ZFHX3: variants seen among roughly 807,000 people sequenced by gnomAD.
ZFHX3 encodes the protein zinc finger homeobox 3.
Under a neutral mutation model 279.1 loss-of-function variants are expected in ZFHX3, and 42 were observed. That is an observed-to-expected ratio of 0.15 (90% CI 0.12 to 0.19). The LOEUF is 0.19. Ranked by LOEUF, ZFHX3 falls within the 10% of genes least tolerant of loss-of-function variation. ZFHX3 has a pLI of 1.00. For missense variants in ZFHX3, 4,981 were observed against 4,754.0 expected, an observed-to-expected ratio of 1.05 and a Z score of -1.40; for synonymous variants, 2,293 against 1,957.8, an observed-to-expected ratio of 1.17 and a Z score of -4.52.
At chr16:73,533,408 G>A (rs777670821) in intron 2 of ZFHX3, among the ~76,000 whole-genome samples, 5 of 147,680 alleles carry the variant, frequency 3.4e-5, no homozygotes, top group Non-Finnish European at 7.4e-5. Context: ...GATCCTATTC[G>A]TGCCAACAGA....
At chr16:72,970,065 G>T (rs1366728459) in intron 1 of ZFHX3, among the ~76,000 whole-genome samples, 2 of 152,190 alleles carry the variant, frequency 1.3e-5, no homozygotes, top group Non-Finnish European at 2.9e-5. Context: ...AGTGAAAACT[G>T]CTAGCTCAGC....
At chr16:73,849,027 C>T (rs936782532) in intron 1 of ZFHX3, among the ~76,000 whole-genome samples, 1 of 152,216 alleles carries the variant, frequency 6.6e-6, no homozygotes, top group Non-Finnish European at 1.5e-5. Flanking sequence ...CAGCATTGTT[C>T]TTGTTAACAA....
chr16:72,915,611 T>A (rs984003479), intron 3 of ZFHX3, among the ~76,000 whole-genome samples: 5 of 149,758 alleles, frequency 3.3e-5, no homozygotes, highest in Non-Finnish European at 1.5e-5. Flanking sequence ...ATAAAAAAAA[T>A]TAGCCAGGTG....
chr16:72,921,343 C>A (rs909841694), intron 3 of ZFHX3, among the ~76,000 whole-genome samples: 1 of 152,164 alleles, frequency 6.6e-6, no homozygotes, highest in Non-Finnish European at 1.5e-5. Flanking sequence ...CCTTCCTAGA[C>A]CCCATGGCGA....
chr16:73,883,548 T>C (rs902286325), intron 1 of ZFHX3, among the ~76,000 whole-genome samples: 1 of 151,962 alleles, frequency 6.6e-6, no homozygotes, highest in Non-Finnish European at 1.5e-5. Flanking sequence ...TTCTCAGAAC[T>C]TAAGGTTTGC....
At chr16:73,843,371 A>G (rs1961362234) in intron 1 of ZFHX3, among the ~76,000 whole-genome samples, 1 of 152,190 alleles carries the variant, frequency 6.6e-6, no homozygotes, top group Admixed American at 6.5e-5. Context: ...CCCGGTTTTG[A>G]ACGTCGATAA....
chr16:72,941,412 G>T (rs1468483238), intron 3 of ZFHX3, among the ~76,000 whole-genome samples: 1 of 152,212 alleles, frequency 6.6e-6, no homozygotes, highest in Non-Finnish European at 1.5e-5. Context: ...CTTCTATAGA[G>T]CCTGCTGGCA....
At chr16:73,262,667 G>C (rs1297881033) in intron 4 of ZFHX3, among the ~76,000 whole-genome samples, 1 of 152,134 alleles carries the variant, frequency 6.6e-6, no homozygotes, top group African/African-American at 2.4e-5. Context: ...TTGCAGACAG[G>C]CACAAATTCC....
intron 5 of ZFHX3, among the ~76,000 whole-genome samples, chr16:73,156,148 T>C (rs185319516): frequency 1.7e-4 from 24 of 144,028 alleles, no homozygotes; most frequent in Non-Finnish European, 1.6e-4. Context: ...AAGAGAATGG[T>C]GTGAACCCGG....
chr16:73,012,110 G>T (rs1430129237), intron 1 of ZFHX3, among the ~76,000 whole-genome samples: 1 of 152,208 alleles, frequency 6.6e-6, no homozygotes. Context: ...AAGGCAGTCA[G>T]TCTTCTCAGC....
At position 73,680,241 on chromosome 16, in the gene ZFHX3, C is replaced by T. The variant is rs1390667008; in HGVS notation, c.-1607-1G>A. The T allele has an allele frequency of 6.8e-6, 1 of 147,192 alleles. No homozygotes were observed. Among genetic ancestry groups the T allele is most frequent in the African/African-American group, 2.5e-5 (1 of 39,816 alleles). The allele number at this position is 147,192 out of a possible 1,614,324, so 9.1% of individuals were successfully genotyped here. A position where few individuals can be genotyped will look rare whatever the true frequency, so the allele number is the denominator to read the frequency against. ...TTCAGAATTCAAAAAGTCCAGAAGCCTGTAAATATGAAAAAAAAAAGTTTA... is the reference window on the plus strand; with the variant it reads ...TTCAGAATTCAAAAAGTCCAGAAGCTTGTAAATATGAAAAAAAAAAGTTTA... On this transcript the variant is annotated splice_acceptor_variant, in intron 1 of 17. Coordinates refer to the ZFHX3 transcript ENST00000641206. LOFTEE classifies it low-confidence loss of function (5UTR_SPLICE).
Position 72,959,600 on chromosome 16 carries a change from C to T in ZFHX3, c.546G>A (p.Gly182=). 6.2e-7 allele frequency: 1 copy of T among 1,614,166 alleles called. No homozygotes were observed. The highest frequency in any genetic ancestry group is 1.3e-5 in the African/African-American group (1 of 75,064). ...NSLPGAGGKQ[G]DPSCAAPVYP... ...ACACGGGTGCAGCACACGAAGGGTC[C>T]CCTTGCTTGCCCCCCGCGCCAGGGA... The change falls in exon 2 of 10, where the codon GGG becomes GGA. Residue 182 remains glycine, a synonymous_variant. Transcript: ENST00000268489.
intron 7 of ZFHX3, among the ~76,000 whole-genome samples, chr16:72,804,825 C>A (rs966387244): frequency 6.6e-6 from 1 of 152,130 alleles, no homozygotes; most frequent in African/African-American, 2.4e-5. Flanking sequence ...CAATATAACA[C>A]CCTGTGCAGC....
intron 7 of ZFHX3, among the ~76,000 whole-genome samples, chr16:73,095,855 G>A (rs567403739): frequency 1.3e-5 from 2 of 152,254 alleles, no homozygotes; most frequent in South Asian, 2.1e-4. Context: ...AAAGAATCCC[G>A]GCCCCTTCTT....
chr16:73,238,581 G>A (rs1402130185), intron 5 of ZFHX3, among the ~76,000 whole-genome samples: 1 of 151,980 alleles, frequency 6.6e-6, no homozygotes, highest in South Asian at 2.1e-4. Context: ...TCTCAGATAT[G>A]CCTTGCCCAC....
At chr16:73,308,560 G>A (rs892102758) in intron 4 of ZFHX3, among the ~76,000 whole-genome samples, 1 of 151,976 alleles carries the variant, frequency 6.6e-6, no homozygotes, top group Non-Finnish European at 1.5e-5. Context: ...ACCCACCTTG[G>A]CCTCCCAAAG....
chr16:73,372,305 C>A (rs1487416237), intron 3 of ZFHX3, among the ~76,000 whole-genome samples: 1 of 151,828 alleles, frequency 6.6e-6, no homozygotes, highest in Non-Finnish European at 1.5e-5. Flanking sequence ...TTTTTAAGGG[C>A]AATAAAGGGT....
intron 1 of ZFHX3, among the ~76,000 whole-genome samples, chr16:73,040,410 C>T (rs2144699739): frequency 6.6e-6 from 1 of 152,226 alleles, no homozygotes; most frequent in East Asian, 1.9e-4. Flanking sequence ...CATATAAATG[C>T]CTCCACAAAT....
At chr16:73,712,465 C>G (rs1597077507) in intron 1 of ZFHX3, among the ~76,000 whole-genome samples, 2 of 152,226 alleles carry the variant, frequency 1.3e-5, no homozygotes. Context: ...AGTTATCCTT[C>G]TCGGGTGTAA....
Sources: allele counts gnomAD v4.1 joint callset (sites outside exome capture counted in the v4.1 genomes callset), GRCh38; gene constraint gnomAD v4.1.1; transcripts MANE v1.5; gene names NCBI Gene and HGNC (gene_info 2026-07-23, HGNC 2026-07-21).